The following BRINP1 variants were observed in gnomAD, a reference collection of about 807,000 sequenced individuals.
BRINP1 encodes the protein BMP/retinoic acid inducible neural specific 1.
BRINP1 carries 17 observed loss-of-function variants against 72.9 expected under a neutral mutation model. The observed-to-expected ratio is 0.23, with a 90% CI of 0.16 to 0.35. BRINP1 has a LOEUF of 0.35. BRINP1 is among the 10% of genes least tolerant of loss of function. The probability of loss-of-function intolerance (pLI) is 1.00; values close to 1 mark genes in which losing one functional copy is unlikely to be tolerated. For synonymous variants in BRINP1, 418 were observed against 378.5 expected, an observed-to-expected ratio of 1.10 and a Z score of -1.21; for missense variants, 850 against 1,001.6, an observed-to-expected ratio of 0.85 and a Z score of 2.04.
chr9:119,363,112 T>C (rs2119045487), intron 1 of BRINP1, among the ~76,000 whole-genome samples: 1 of 152,178 alleles, frequency 6.6e-6, no homozygotes, highest in East Asian at 1.9e-4. Context: ...TTTTGTTTTG[T>C]TTTTTGAAAC....
chr9:119,174,347 C>A (rs868416890), intron 7 of BRINP1, among the ~76,000 whole-genome samples: 1 of 150,068 alleles, frequency 6.7e-6, no homozygotes, highest in Non-Finnish European at 1.5e-5. Context: ...ATTTATGCAG[C>A]CAAAAAACAC....
Position 119,288,407 on chromosome 9 carries a change from T to C in BRINP1, c.218+24731A>G, listed in dbSNP as rs565062894. On this transcript the variant is annotated intron_variant, in intron 2 of 7. Transcript: ENST00000265922. ...ATGATGTAATGTATGCAAAATACAA[T>C]GCTGGGTGATTTGGGGAGACAATGG... Among the ~76,000 whole-genome samples the C allele has an allele frequency of 2.5e-4, 38 of 152,330 alleles. No homozygotes were observed. The South Asian group carries it at 5.2e-3, about 21-fold the overall frequency.
chr9:119,355,355 C>T (rs926905193), intron 1 of BRINP1, among the ~76,000 whole-genome samples: 10 of 152,116 alleles, frequency 6.6e-5, no homozygotes, highest in African/African-American at 1.9e-4. Context: ...AGGCATGTTG[C>T]GAAGTGCTTT....
At chr9:119,196,199 C>T (rs1829736202) in intron 7 of BRINP1, among the ~76,000 whole-genome samples, 1 of 152,100 alleles carries the variant, frequency 6.6e-6, no homozygotes, top group Non-Finnish European at 1.5e-5. Context: ...GCGCTTAGAC[C>T]AGTGGCATCA....
At chr9:119,192,349 A>T in intron 7 of BRINP1, among the ~76,000 whole-genome samples, 1 of 152,070 alleles carries the variant, frequency 6.6e-6, no homozygotes, top group East Asian at 1.9e-4. Flanking sequence ...CAAACCACAT[A>T]CAAGAGATTA....
intron 5 of BRINP1, among the ~76,000 whole-genome samples, chr9:119,237,553 G>A (rs1221446697): frequency 6.6e-6 from 1 of 151,700 alleles, no homozygotes; most frequent in East Asian, 1.9e-4. Flanking sequence ...TAGTAGAGAC[G>A]GGGTTTCACC....
chr9:119,231,074 A>G (rs1421603916), intron 5 of BRINP1, among the ~76,000 whole-genome samples: 1 of 152,138 alleles, frequency 6.6e-6, no homozygotes, highest in Non-Finnish European at 1.5e-5. Flanking sequence ...TGTTTTATGT[A>G]TACTAAGAAA....
chr9:119,266,609 G>T (rs894416131), intron 2 of BRINP1, among the ~76,000 whole-genome samples: 2 of 152,068 alleles, frequency 1.3e-5, no homozygotes, highest in Admixed American at 6.5e-5. Context: ...CAAAATTTAA[G>T]TCTCAGATGT....
At position 119,369,064 on chromosome 9, in the gene BRINP1, A is replaced by T. The variant is rs1161963421; in HGVS notation, c.-59T>A. ...ACCCGGCGCCGCCTTACCTGGAGTC[A>T]ATGTCCGTCTTTGGCGGAGAGCTGC... On this transcript the variant is annotated 5_prime_UTR_variant, in exon 1 of 8. An upstream open reading frame in the 5' UTR loses its in-frame stop. Coordinates refer to ENST00000265922, the MANE Select transcript of BRINP1 (RefSeq NM_014618.3). 3 of 395,798 alleles carry T rather than the reference A, an allele frequency of 7.6e-6. No homozygotes were observed. The highest frequency in any genetic ancestry group is 6.2e-5 in the African/African-American group (3 of 48,462). The allele number at this position is 395,798 out of a possible 1,614,324, so 24.5% of individuals were successfully genotyped here. A position where few individuals can be genotyped will look rare whatever the true frequency, so the allele number is the denominator to read the frequency against.
chr9:119,321,590 T>C (rs1831188409), intron 1 of BRINP1, among the ~76,000 whole-genome samples: 1 of 152,202 alleles, frequency 6.6e-6, no homozygotes, highest in Non-Finnish European at 1.5e-5. Context: ...TCCTCCTGCA[T>C]CAGCCTCCCC....
At chr9:119,346,748 C>T (rs1471246208) in intron 1 of BRINP1, among the ~76,000 whole-genome samples, 1 of 152,184 alleles carries the variant, frequency 6.6e-6, no homozygotes, top group Non-Finnish European at 1.5e-5. Flanking sequence ...TTTCAGACCA[C>T]AGAGCTTGTG....
intron 7 of BRINP1, among the ~76,000 whole-genome samples, chr9:119,190,536 A>G (rs1829673174): frequency 6.6e-6 from 1 of 152,000 alleles, no homozygotes; most frequent in Admixed American, 6.6e-5. Context: ...ATATGCCAAC[A>G]AATTGGATAA....
At chr9:119,335,826 T>A (rs1263712668) in intron 1 of BRINP1, among the ~76,000 whole-genome samples, 1 of 152,226 alleles carries the variant, frequency 6.6e-6, no homozygotes, top group Non-Finnish European at 1.5e-5. Flanking sequence ...CCTAAAGGTA[T>A]CATCCAATCC....
chr9:119,178,477 C>T (rs1168948123), intron 7 of BRINP1, among the ~76,000 whole-genome samples: 1 of 152,070 alleles, frequency 6.6e-6, no homozygotes, highest in African/African-American at 2.4e-5. Context: ...GAGGAAAAAC[C>T]CTCAATCAAA....
intron 7 of BRINP1, among the ~76,000 whole-genome samples, chr9:119,172,187 T>A (rs1387651853): frequency 6.6e-6 from 1 of 152,012 alleles, no homozygotes; most frequent in Admixed American, 6.6e-5. Flanking sequence ...AGTTAATGAA[T>A]CCAGGAGCTG....
chr9:119,259,012 C>A (rs1830471993), intron 2 of BRINP1, among the ~76,000 whole-genome samples: 2 of 152,206 alleles, frequency 1.3e-5, no homozygotes, highest in African/African-American at 4.8e-5. Flanking sequence ...TGGGGGAAGT[C>A]ATTGACTCTG....
intron 1 of BRINP1, among the ~76,000 whole-genome samples, chr9:119,348,713 T>C (rs1270017949): frequency 6.6e-6 from 1 of 152,214 alleles, no homozygotes; most frequent in Admixed American, 6.5e-5. Context: ...ACAGCCTATT[T>C]ATGACCCTAG....
chr9:119,290,975 T>C (rs1469625568), intron 2 of BRINP1, among the ~76,000 whole-genome samples: 1 of 151,900 alleles, frequency 6.6e-6, no homozygotes, highest in East Asian at 1.9e-4. Context: ...ATACAAAAAT[T>C]AGCTGGGCAT....
chr9:119,274,204 G>A (rs746116178), intron 2 of BRINP1, among the ~76,000 whole-genome samples: 1 of 152,152 alleles, frequency 6.6e-6, no homozygotes, highest in Admixed American at 6.5e-5. Flanking sequence ...CACTGGCTAT[G>A]CTCTCTAAAT....
Sources: gnomAD v4.1 joint callset for allele counts (sites outside exome capture counted in the v4.1 genomes callset) on GRCh38, gnomAD v4.1.1 for gene constraint, MANE v1.5 for transcripts, NCBI Gene and HGNC (gene_info 2026-07-23, HGNC 2026-07-21) for gene names.